The following PRKCSH variants were observed in gnomAD, a reference collection of about 807,000 sequenced individuals.
PRKCSH encodes the protein glucosidase 2 subunit beta.
In PRKCSH, 42 loss-of-function variants were observed where a neutral mutation model predicts 79.7. That is an observed-to-expected ratio of 0.53 (90% CI 0.41 to 0.68). The LOEUF is 0.68. PRKCSH is among the 30% of genes least tolerant of loss of function. PRKCSH has a pLI of 0.00. For missense variants in PRKCSH, 686 were observed against 709.0 expected (o/e 0.97, Z 0.37); for synonymous variants, 325 against 288.2 (o/e 1.13, Z -1.29).
In PRKCSH at chr19:11,449,547, TG is replaced by T; in HGVS notation, c.*16+120del. On this transcript the variant is annotated intron_variant, in intron 17 of 17. Transcript: ENST00000677123. The surrounding 1 kb of genome is among the most constrained non-coding windows in gnomAD (Gnocchi z 6.4). Reference sequence around the variant, plus strand: ...TGTGTCCCCATGTTCCCTGCTTTTTTGTTTTGTTTTTTTGAGGTGGAGTCTC... The same window carrying T: ...TGTGTCCCCATGTTCCCTGCTTTTTTTTTTGTTTTTTTGAGGTGGAGTCTC... 4 of 1,418,082 alleles carry T rather than the reference TG, an allele frequency of 2.8e-6. No homozygotes were observed. Among genetic ancestry groups the T allele is most frequent in the Non-Finnish European group, 3.9e-6 (4 of 1,036,304 alleles). The allele number at this position is 1,418,082 out of a possible 1,614,324, so 87.8% of individuals were successfully genotyped here.
At chr19:11,439,151 C>T (rs545645023) in intron 5 of PRKCSH, among the ~76,000 whole-genome samples, 6 of 152,268 alleles carry the variant, frequency 3.9e-5, no homozygotes, top group African/African-American at 1.2e-4. Context: ...AGGTGATCTG[C>T]TCGCCTCAGC....
intron 3 of PRKCSH, 100 bp from the exon 4 acceptor site, chr19:11,437,776 G>T (rs1443745496): frequency 9.9e-7 from 1 of 1,012,452 alleles, no homozygotes; most frequent in African/African-American, 1.6e-5. Flanking sequence ...CCTTTCTTGT[G>T]CTGTGTGCAG....
chr19:11,444,247 GC>G (rs1179878296), intron 7 of PRKCSH, among the ~76,000 whole-genome samples: 2 of 152,166 alleles, frequency 1.3e-5, no homozygotes, highest in Non-Finnish European at 2.9e-5. Flanking sequence ...GCAAGCTCAG[GC>G]CTGATTTTCC....
At position 11,446,226 on chromosome 19, in the gene PRKCSH, C is replaced by T. The variant is rs369112662; in HGVS notation, c.684-46C>T. On this transcript the variant is annotated intron_variant, in intron 8 of 17. Transcript: ENST00000677123. ...CCACATGGTGCCCCCAACTGAGAGC[C>T]ACTGGGGCCTCACCCCTCCAGTCTG... The T allele has an allele frequency of 1.4e-5, 23 of 1,594,530 alleles. No individual in the cohort carries two copies. In the African/African-American group the frequency reaches 2.7e-4, roughly 19 times the overall value.
chr19:11,445,678 C>T (rs1970264105), intron 8 of PRKCSH: 1 of 636,176 alleles, frequency 1.6e-6, no homozygotes, highest in East Asian at 2.8e-5. Context: ...GGGGGACCAC[C>T]CTCTCCCCAG....
intron 6 of PRKCSH, among the ~76,000 whole-genome samples, chr19:11,442,117 C>T (rs1215516448): frequency 2.0e-5 from 3 of 152,118 alleles, no homozygotes; most frequent in East Asian, 1.9e-4. Flanking sequence ...GTTGTCAGGG[C>T]GACTGGATCC....
rs796367449 is a variant in PRKCSH, at chr19:11,448,257, G to A, written c.1162G>A (p.Glu388Lys). The A allele has an allele frequency of 1.0e-5, 16 of 1,569,344 alleles. No homozygotes were observed. Among genetic ancestry groups the A allele is most frequent in the African/African-American group, 6.8e-5 (5 of 74,014 alleles). ...GGCCCGCAACAAGTTCGAGGAGGCC[G>A]AGCGGTCGCTGAAGGACATGGAGGA... is the stretch of plus-strand genomic sequence containing the variant. ...QEARNKFEEA[E>K]RSLKDMEESI... Residue 388 changes from glutamate to lysine, a missense_variant, in exon 13 of 18, where the codon GAG becomes AAG. This residue lies in a region of PRKCSH where 549 missense variants were observed against 520.2 expected (regional missense o/e 1.06). Transcript: ENST00000677123. The surrounding 1 kb of genome is among the most constrained non-coding windows in gnomAD (Gnocchi z 4.4).
intron 3 of PRKCSH, chr19:11,436,807 G>A (rs1243753883): frequency 4.9e-6 from 2 of 407,586 alleles, no homozygotes; most frequent in South Asian, 4.2e-5. Context: ...ACAGGGTGGG[G>A]CCAAGAGCAA....
intron 3 of PRKCSH, 108 bp downstream of exon 3, chr19:11,436,613 G>A (rs555891245): frequency 8.5e-6 from 8 of 935,788 alleles, no homozygotes; most frequent in East Asian, 7.9e-5. Flanking sequence ...CTTTGAGTGG[G>A]CAGAAACAAG....
intron 7 of PRKCSH, among the ~76,000 whole-genome samples, chr19:11,444,061 G>A (rs769801460): frequency 6.6e-6 from 1 of 152,162 alleles, no homozygotes; most frequent in Admixed American, 6.6e-5. Context: ...CATGAGCCAC[G>A]GTGCCCAGCT....
At chr19:11,444,201 T>C (rs1276157286) in intron 7 of PRKCSH, among the ~76,000 whole-genome samples, 2 of 152,216 alleles carry the variant, frequency 1.3e-5, no homozygotes, top group Non-Finnish European at 2.9e-5. Context: ...CCCTGAATCT[T>C]TGTCGTGTTG....
chr19:11,442,597 G>T, intron 7 of PRKCSH, 82 bp downstream of exon 7: 1 of 1,557,156 alleles, frequency 6.4e-7, no homozygotes. Context: ...CTCATTATCT[G>T]TTGTCAGTTT....
chr19:11,440,986 T>G (rs1441003324), intron 5 of PRKCSH: 6 of 459,566 alleles, frequency 1.3e-5, no homozygotes, highest in Admixed American at 3.3e-5. Context: ...TCTTGAGAGT[T>G]GATATCTAGC....
intron 5 of PRKCSH, chr19:11,440,963 C>G (rs1303149522): frequency 2.4e-6 from 1 of 422,674 alleles, no homozygotes; most frequent in Non-Finnish European, 4.5e-6. Context: ...CTGCACCCAG[C>G]TGATCTCCTG....
chr19:11,448,440 C>T lies in PRKCSH; in HGVS notation c.1197-100C>T. 2 of 1,455,658 alleles carry T rather than the reference C, an allele frequency of 1.4e-6. No homozygotes were observed. The highest frequency in any genetic ancestry group is 1.9e-6 in the Non-Finnish European group (2 of 1,041,284). 90.2% of individuals were successfully genotyped at this position (1,455,658 alleles called of 1,614,324 possible). On this transcript the variant is annotated intron_variant, in intron 13 of 17. Transcript: ENST00000677123. This position sits in a 1 kb window ranked among gnomAD's most constrained non-coding sequence, Gnocchi z 4.4. ...CCCTGGGAGGTGGCAGGGAGGACAG[C>T]CTGGGCACCATTGCTCAGCCAGACC...
chr19:11,439,726 T>G (rs903461815), intron 5 of PRKCSH, among the ~76,000 whole-genome samples: 2 of 149,072 alleles, frequency 1.3e-5, no homozygotes, highest in Non-Finnish European at 3.0e-5. Context: ...GTTCAAGCGA[T>G]TCTTCTGCCT....
In PRKCSH at chr19:11,448,343, A is replaced by G. The variant is rs160841; in HGVS notation, c.1196+52A>G. On this transcript the variant is annotated intron_variant, in intron 13 of 17. Coordinates refer to ENST00000677123, the MANE Select transcript of PRKCSH (RefSeq NM_001289104.2). This position sits in a 1 kb window ranked among gnomAD's most constrained non-coding sequence, Gnocchi z 4.4. Reference sequence around the variant, plus strand: ...CCTGTCCCACAGCGACTGCTCCTTGACTCCCAGGGGAGCTGGTGATGGGGA... The same window carrying G: ...CCTGTCCCACAGCGACTGCTCCTTGGCTCCCAGGGGAGCTGGTGATGGGGA... 0.09 allele frequency: 139,375 copies of G among 1,546,554 alleles called. 9,045 individuals carry two copies. Among genetic ancestry groups the G allele is most frequent in the African/African-American group, 0.32 (23,443 of 73,434 alleles).
Position 11,448,302 on chromosome 19 carries a change from C to A in PRKCSH, c.1196+11C>A. 1 of 1,570,092 alleles carries A rather than the reference C, an allele frequency of 6.4e-7. No homozygotes were observed. The highest frequency in any genetic ancestry group is 1.2e-5 in the South Asian group (1 of 85,630). On this transcript the variant is annotated intron_variant, in intron 13 of 17. Coordinates refer to ENST00000677123, the MANE Select transcript of PRKCSH (RefSeq NM_001289104.2). This position sits in a 1 kb window ranked among gnomAD's most constrained non-coding sequence, Gnocchi z 4.4. The stretch of plus-strand genomic sequence containing the variant: ...GGAGGAGTCCATCAGGTAGCGGGGG[C>A]TGAGGAGCGGGGACACCTGTCCCAC...
At chr19:11,441,218 C>T (rs1439523417) in intron 5 of PRKCSH, 22 bp from the exon 6 acceptor site, 2 of 1,611,756 alleles carry the variant, frequency 1.2e-6, no homozygotes, top group Admixed American at 1.7e-5. Context: ...ACTGGTGGTG[C>T]CTGTGTGTCT....
Sources: gnomAD v4.1 joint callset for allele counts (sites outside exome capture counted in the v4.1 genomes callset) on GRCh38, gnomAD v4.1.1 for gene constraint, gnomAD v4.1.1 regional missense constraint, Gnocchi (gnomAD v3.1) non-coding constraint, MANE v1.5 for transcripts, NCBI Gene and HGNC (gene_info 2026-07-23, HGNC 2026-07-21) for gene names.